Variants in LYPD6B observed in about 807,000 individuals in gnomAD.
LYPD6B encodes the protein ly6/PLAUR domain-containing protein 6B.
Under a neutral mutation model 22.8 loss-of-function variants are expected in LYPD6B, and 17 were observed. The ratio of observed to expected loss-of-function variants is 0.75; its 90% CI spans 0.51 to 1.12. The LOEUF (loss-of-function observed/expected upper bound fraction) is 1.12. Ranked by LOEUF, LYPD6B falls within the 50% of genes most tolerant of loss-of-function variation. The pLI is 0.00. For synonymous variants in LYPD6B, 106 were observed against 91.6 expected (o/e 1.16, Z -0.90); for missense variants, 221 against 258.3 (o/e 0.86, Z 0.99).
chr2:149,076,196 C>G (rs1684872293), intron 1 of LYPD6B, among the ~76,000 whole-genome samples: 1 of 152,208 alleles, frequency 6.6e-6, no homozygotes, highest in Non-Finnish European at 1.5e-5. Context: ...AACTTACTAG[C>G]TTTCCTGCAG....
chr2:149,079,615 T>C (rs1685032802), intron 1 of LYPD6B, among the ~76,000 whole-genome samples: 1 of 152,036 alleles, frequency 6.6e-6, no homozygotes, highest in Admixed American at 6.6e-5. Context: ...TCGTATTCTC[T>C]TTTTTTTCTT....
intron 2 of LYPD6B, among the ~76,000 whole-genome samples, chr2:149,138,324 A>G (rs1000592643): frequency 2.6e-5 from 4 of 152,154 alleles, no homozygotes; most frequent in African/African-American, 9.7e-5. Context: ...ACTCCATGTG[A>G]TTTCTTGTTC....
At chr2:149,074,245 C>T (rs1184310159) in intron 1 of LYPD6B, among the ~76,000 whole-genome samples, 1 of 147,086 alleles carries the variant, frequency 6.8e-6, no homozygotes, top group East Asian at 2.0e-4. Flanking sequence ...CACACGTGCA[C>T]ACACATGCAT....
chr2:149,078,813 C>G (rs1253761626), intron 1 of LYPD6B, among the ~76,000 whole-genome samples: 1 of 151,992 alleles, frequency 6.6e-6, no homozygotes, highest in African/African-American at 2.4e-5. Context: ...TCGAGAGCAG[C>G]CTGAGCAACA....
chr2:149,097,416 C>T (rs1685954673), intron 1 of LYPD6B, among the ~76,000 whole-genome samples: 1 of 152,176 alleles, frequency 6.6e-6, no homozygotes, highest in Admixed American at 6.5e-5. Context: ...AGATAAATGC[C>T]AGGACACCCA....
intron 1 of LYPD6B, among the ~76,000 whole-genome samples, chr2:149,070,160 C>A (rs1387396962): frequency 6.6e-6 from 1 of 152,036 alleles, no homozygotes; most frequent in Non-Finnish European, 1.5e-5. Flanking sequence ...CCAGTGAGCA[C>A]CAGGCTTCAC....
intron 5 of LYPD6B, among the ~76,000 whole-genome samples, chr2:149,211,842 A>G (rs1464092456): frequency 6.6e-6 from 1 of 152,168 alleles, no homozygotes; most frequent in Non-Finnish European, 1.5e-5. Flanking sequence ...ATAATGTCCT[A>G]GGATATTGAA....
chr2:149,124,043 C>G (rs776910654), intron 1 of LYPD6B, among the ~76,000 whole-genome samples: 1 of 152,196 alleles, frequency 6.6e-6, no homozygotes, highest in Non-Finnish European at 1.5e-5. Context: ...AGGACCCACT[C>G]CTGTGGAATC....
At chr2:149,209,106 C>T (rs761046658) in intron 5 of LYPD6B, among the ~76,000 whole-genome samples, 34 of 152,054 alleles carry the variant, frequency 2.2e-4, no homozygotes, top group Non-Finnish European at 3.7e-4. Flanking sequence ...AGGAAGGATC[C>T]GAGAGGGAAG....
At chr2:149,184,046 G>T (rs1295305492) in intron 3 of LYPD6B, among the ~76,000 whole-genome samples, 2 of 152,020 alleles carry the variant, frequency 1.3e-5, no homozygotes, top group Non-Finnish European at 2.9e-5. Flanking sequence ...TACAAAATTA[G>T]CCGGGCATGG....
chr2:149,154,594 T>C (rs1018796711), intron 2 of LYPD6B, among the ~76,000 whole-genome samples: 9 of 152,170 alleles, frequency 5.9e-5, no homozygotes, highest in Admixed American at 3.9e-4. Flanking sequence ...TAAACTTTTG[T>C]TATTTTATGT....
chr2:149,127,153 T>A (rs1255403932), intron 1 of LYPD6B, among the ~76,000 whole-genome samples: 1 of 151,812 alleles, frequency 6.6e-6, no homozygotes, highest in Non-Finnish European at 1.5e-5. Flanking sequence ...TGAAATATTT[T>A]ATATATAGTA....
At chr2:149,153,398 C>T (rs1028325446) in intron 2 of LYPD6B, among the ~76,000 whole-genome samples, 7 of 152,082 alleles carry the variant, frequency 4.6e-5, no homozygotes, top group African/African-American at 1.7e-4. Context: ...CCACTGAAAG[C>T]TTGTGGACAG....
At chr2:149,213,702 T>G (rs539274453) in intron 6 of LYPD6B, among the ~76,000 whole-genome samples, 1 of 152,232 alleles carries the variant, frequency 6.6e-6, no homozygotes, top group Non-Finnish European at 1.5e-5. Context: ...TATCAGTGGC[T>G]TTTAACTCTA....
chr2:149,101,838 G>A (rs981749298), intron 1 of LYPD6B, among the ~76,000 whole-genome samples: 1 of 152,220 alleles, frequency 6.6e-6, no homozygotes, highest in Non-Finnish European at 1.5e-5. Flanking sequence ...GATATCAGAG[G>A]CAGGAACTCT....
At chr2:149,100,106 C>T (rs1686120987) in intron 1 of LYPD6B, among the ~76,000 whole-genome samples, 1 of 152,098 alleles carries the variant, frequency 6.6e-6, no homozygotes. Context: ...TGGCCAGGGG[C>T]AGCTGGGGAG....
At chr2:149,078,761 G>A (rs1684987309) in intron 1 of LYPD6B, among the ~76,000 whole-genome samples, 1 of 152,126 alleles carries the variant, frequency 6.6e-6, no homozygotes, top group East Asian at 1.9e-4. Context: ...AGTCCCAGCA[G>A]CTTCAGAAGC....
Position 149,213,125 on chromosome 2 carries a change from A to G in LYPD6B, c.459+3A>G, listed in dbSNP as rs1366793180. On this transcript the variant is annotated splice_donor_region_variant and intron_variant, in intron 6 of 6. Transcript: ENST00000409642. ...ACAGCCGAGATTCTGAACATACGGT[A>G]AGGATCGTGTGTGTGTGTTATTGTC... 4 of 1,609,508 alleles carry G rather than the reference A, an allele frequency of 2.5e-6. No individual in the cohort carries two copies. In the African/African-American group the frequency reaches 4.0e-5, roughly 16 times the overall value.
At chr2:149,142,514 T>C (rs868066811) in intron 2 of LYPD6B, among the ~76,000 whole-genome samples, 2 of 152,028 alleles carry the variant, frequency 1.3e-5, no homozygotes, top group African/African-American at 4.8e-5. Flanking sequence ...AATTGGAGAG[T>C]GCCAGCCAAG....
Sources: gnomAD v4.1 joint callset for allele counts (sites outside exome capture counted in the v4.1 genomes callset) on GRCh38, gnomAD v4.1.1 for gene constraint, MANE v1.5 for transcripts, NCBI Gene and HGNC (gene_info 2026-07-23, HGNC 2026-07-21) for gene names.